The following HDAC9 variants were observed in gnomAD, a reference collection of about 807,000 sequenced individuals.
HDAC9 encodes the protein histone deacetylase 9.
In HDAC9, 41 loss-of-function variants were observed where a neutral mutation model predicts 139.4. The observed-to-expected ratio is 0.29, with a 90% CI of 0.23 to 0.38. The LOEUF (loss-of-function observed/expected upper bound fraction) is 0.38, where lower values mean the gene tolerates loss of function less well. HDAC9 is among the 10% of genes least tolerant of loss of function. HDAC9 has a pLI of 1.00. For missense variants in HDAC9, 1,147 were observed against 1,297.0 expected (o/e 0.88, Z 1.78); for synonymous variants, 517 against 476.2 (o/e 1.09, Z -1.12).
chr7:18,720,840 T>G (rs1399294175), intron 12 of HDAC9, among the ~76,000 whole-genome samples: 1 of 151,772 alleles, frequency 6.6e-6, no homozygotes, highest in Non-Finnish European at 1.5e-5. Flanking sequence ...CGCCAACTAA[T>G]TTTTTTGTTG....
intron 2 of HDAC9, among the ~76,000 whole-genome samples, chr7:18,283,843 C>T (rs1335336415): frequency 6.6e-6 from 1 of 152,090 alleles, no homozygotes; most frequent in Non-Finnish European, 1.5e-5. Context: ...GCAGAATCAA[C>T]CACCTAATAC....
intron 2 of HDAC9, among the ~76,000 whole-genome samples, chr7:18,526,955 A>C (rs1161796221): frequency 6.6e-6 from 1 of 152,192 alleles, no homozygotes; most frequent in East Asian, 1.9e-4. Context: ...AATGAAGAGT[A>C]GCAGTCTACA....
intron 12 of HDAC9, among the ~76,000 whole-genome samples, chr7:18,726,592 G>A (rs567958813): frequency 2.4e-4 from 36 of 151,892 alleles, no homozygotes; most frequent in African/African-American, 8.2e-4. Flanking sequence ...TTTCACATTC[G>A]TTAGGAAAGA....
At chr7:18,263,584 A>T (rs1795813215) in intron 2 of HDAC9, among the ~76,000 whole-genome samples, 1 of 151,214 alleles carries the variant, frequency 6.6e-6, no homozygotes, top group Non-Finnish European at 1.5e-5. Context: ...GTGGACTCAG[A>T]ATCTTGCTTG....
chr7:18,156,744 C>G (rs567458535), intron 1 of HDAC9, among the ~76,000 whole-genome samples: 26 of 152,242 alleles, frequency 1.7e-4, no homozygotes, highest in African/African-American at 4.8e-4. Context: ...GGGTATGGTA[C>G]AAGATACAGT....
At chr7:18,166,951 A>C (rs974266493) in intron 2 of HDAC9, among the ~76,000 whole-genome samples, 2 of 152,236 alleles carry the variant, frequency 1.3e-5, no homozygotes, top group Non-Finnish European at 2.9e-5. Flanking sequence ...TGGCTTCCCT[A>C]GATGAGTATG....
At position 18,617,657 on chromosome 7, in the gene HDAC9, A is replaced by G. The variant is rs575718681; in HGVS notation, c.665-11693A>G. Among the ~76,000 whole-genome samples the G allele has an allele frequency of 5.9e-5, 9 of 152,268 alleles. No homozygotes were observed. In the South Asian group the frequency reaches 1.2e-3, roughly 21 times the overall value. On this transcript the variant is annotated intron_variant, in intron 6 of 25. Transcript: ENST00000686413. ...TATGCCCTGACATATCTCTGTGCAT[A>G]TATCTCTATATTAAAATTACATTCT...
In HDAC9 at chr7:18,244,237, C is replaced by G. The variant is rs148537549; in HGVS notation, c.25+81888C>G. ...TGGGATTCTTTTTATGCAACAAAAA[C>G]TGGAGTTCTAGTCATATGAGAAAAA... is the stretch of plus-strand genomic sequence containing the variant. On this transcript the variant is annotated intron_variant, in intron 2 of 12. Coordinates refer to the HDAC9 transcript ENST00000417496. 7.0e-3 allele frequency among the ~76,000 whole-genome samples: 1,060 copies of G among 152,144 alleles called. 11 individuals carry two copies. The highest frequency in any genetic ancestry group is 0.024 in the African/African-American group (999 of 41,496).
At chr7:18,535,343 G>A (rs1002912132) in intron 2 of HDAC9, among the ~76,000 whole-genome samples, 15 of 151,868 alleles carry the variant, frequency 9.9e-5, no homozygotes, top group African/African-American at 3.4e-4. Flanking sequence ...TATTGTTGAT[G>A]TTCTTATTAT....
chr7:18,277,085 A>AC (rs1004783744), intron 2 of HDAC9, among the ~76,000 whole-genome samples: 34 of 152,138 alleles, frequency 2.2e-4, no homozygotes, highest in African/African-American at 7.7e-4. Flanking sequence ...ACATTGTTAA[A>AC]AAAACAAAAC....
chr7:18,627,696 G>C (rs577156605), intron 6 of HDAC9, among the ~76,000 whole-genome samples: 1 of 152,168 alleles, frequency 6.6e-6, no homozygotes, highest in South Asian at 2.1e-4. Flanking sequence ...CCTTCATGTG[G>C]GAGTCCCGGC....
intron 2 of HDAC9, among the ~76,000 whole-genome samples, chr7:18,277,680 GACA>G (rs1008740409): frequency 3.5e-4 from 53 of 152,130 alleles, no homozygotes; most frequent in African/African-American, 1.1e-3. Context: ...CTCATTTCCT[GACA>G]ACTTCTTTCG....
intron 1 of HDAC9, among the ~76,000 whole-genome samples, chr7:18,466,163 C>T (rs1794260485): frequency 1.3e-5 from 2 of 152,142 alleles, no homozygotes; most frequent in South Asian, 2.1e-4. Context: ...CTTGAGGTTA[C>T]TCACCTTCCT....
At chr7:18,365,433 C>T (rs1339245742) in intron 1 of HDAC9, among the ~76,000 whole-genome samples, 1 of 152,000 alleles carries the variant, frequency 6.6e-6, no homozygotes, top group Admixed American at 6.6e-5. Flanking sequence ...CATTCACCAT[C>T]CCTGGTATAA....
chr7:18,180,261 A>G (rs187360589), intron 2 of HDAC9, among the ~76,000 whole-genome samples: 2 of 142,490 alleles, frequency 1.4e-5, no homozygotes, highest in Admixed American at 6.9e-5. Flanking sequence ...ACACACACAC[A>G]CACACACACA....
chr7:18,135,966 T>C (rs761776516), intron 1 of HDAC9, among the ~76,000 whole-genome samples: 3,915 of 125,260 alleles, frequency 0.031, 33 homozygotes, highest in Non-Finnish European at 0.047. Flanking sequence ...CAGCACCTGT[T>C]GTTTCCTGAC....
chr7:18,416,328 AATTTT>A (rs1789062545), intron 1 of HDAC9, among the ~76,000 whole-genome samples: 1 of 151,982 alleles, frequency 6.6e-6, no homozygotes, highest in Non-Finnish European at 1.5e-5. Context: ...ACAAAAAAAG[AATTTT>A]ACATCTATGT....
At chr7:18,977,681 T>C (rs1334044813) in intron 25 of HDAC9, among the ~76,000 whole-genome samples, 1 of 152,132 alleles carries the variant, frequency 6.6e-6, no homozygotes, top group Non-Finnish European at 1.5e-5. Flanking sequence ...TGTTCTGATG[T>C]GCAGGAAAGC....
intron 2 of HDAC9, among the ~76,000 whole-genome samples, chr7:18,548,945 G>T (rs551485316): frequency 6.6e-6 from 1 of 152,168 alleles, no homozygotes; most frequent in African/African-American, 2.4e-5. Context: ...ATTCTTTAAA[G>T]ATATAAAAAA....
Sources: allele counts gnomAD v4.1 joint callset (sites outside exome capture counted in the v4.1 genomes callset), GRCh38; gene constraint gnomAD v4.1.1; transcripts MANE v1.5; gene names NCBI Gene and HGNC (gene_info 2026-07-23, HGNC 2026-07-21).